Variants in KMT2C observed in about 807,000 individuals in gnomAD.
KMT2C encodes the protein lysine methyltransferase 2C, also known as histone-lysine N-methyltransferase 2C.
In KMT2C, 88 loss-of-function variants were observed where a neutral mutation model predicts 507.9. The ratio of observed to expected loss-of-function variants is 0.17; its 90% CI spans 0.15 to 0.21. The LOEUF (loss-of-function observed/expected upper bound fraction) is 0.21. Ranked by LOEUF, KMT2C falls within the 10% of genes least tolerant of loss-of-function variation. KMT2C has a pLI of 1.00. For synonymous variants in KMT2C, 2,049 were observed against 2,080.8 expected, an observed-to-expected ratio of 0.98 and a Z score of 0.42; for missense variants, 4,954 against 5,957.8, an observed-to-expected ratio of 0.83 and a Z score of 5.55.
chr7:152,256,809 A>G (rs2095668938), intron 9 of KMT2C, among the ~76,000 whole-genome samples: 1 of 151,808 alleles, frequency 6.6e-6, no homozygotes, highest in Non-Finnish European at 1.5e-5. Flanking sequence ...ACATTGATAC[A>G]CCACTTTTCG....
Position 152,154,399 on chromosome 7 carries a change from G to T in KMT2C, c.12007C>A (p.Pro4003Thr), listed in dbSNP as rs1394651862. ...ACCACACTCTCAGGAGAGGATGAGG[G>T]AACAAAACTGTCAGGAGTATCTCGA... ...GDRDTPDSFV[P>T]SSSPESVVGV... Residue 4003 changes from proline (P) to threonine (T), a missense_variant, in exon 47 of 59, where the codon CCC (proline) becomes ACC (threonine). Physicochemically the swap from Pro to Thr is conservative, Grantham distance 38. Coordinates refer to ENST00000262189, the MANE Select transcript of KMT2C (RefSeq NM_170606.3). 6.2e-7 allele frequency: 1 copy of T among 1,613,924 alleles called. No individual in the cohort carries two copies. The highest frequency in any genetic ancestry group is 2.2e-5 in the East Asian group (1 of 44,884).
intron 3 of KMT2C, among the ~76,000 whole-genome samples, chr7:152,327,845 C>G (rs987894622): frequency 1.3e-5 from 2 of 151,112 alleles, no homozygotes; most frequent in African/African-American, 2.4e-5. Context: ...GTAGTCCCAG[C>G]TACTCAGGAG....
Position 152,139,791 on chromosome 7 carries a change from C to G in KMT2C, c.14344G>C (p.Gly4782Arg), listed in dbSNP as rs2129089961. ...NVYLARSRIQGLGLYAARDIE... is the reference protein window; with the variant it reads ...NVYLARSRIQRLGLYAARDIE... Reference sequence around the variant, plus strand: ...TCTCGAGCAGCATACAGGCCCAGCCCCTAAAAAAAAGTGTGTACATACTTC... The same window carrying G: ...TCTCGAGCAGCATACAGGCCCAGCCGCTAAAAAAAAGTGTGTACATACTTC... The change falls in exon 56 of 59, where the codon GGG becomes CGG. Residue 4782 changes from glycine (G) to arginine (R), a missense_variant and splice_region_variant. Gly to Arg is a moderately radical substitution (Grantham distance 125). Transcript: ENST00000262189. 6.2e-7 allele frequency: 1 copy of G among 1,606,980 alleles called. No homozygotes were observed. The highest frequency in any genetic ancestry group is 1.1e-5 in the South Asian group (1 of 89,868).
intron 34 of KMT2C, 102 bp from the exon 35 acceptor site, chr7:152,183,258 C>A: frequency 1.0e-6 from 1 of 956,060 alleles, no homozygotes; most frequent in Non-Finnish European, 1.5e-6. Context: ...AAAAAAAAGT[C>A]AGGTAAAATA....
At chr7:152,426,533 A>G (rs897583046) in intron 1 of KMT2C, among the ~76,000 whole-genome samples, 1 of 152,068 alleles carries the variant, frequency 6.6e-6, no homozygotes, top group African/African-American at 2.4e-5. Context: ...CAACATACCC[A>G]GCCTTATATC....
intron 38 of KMT2C, among the ~76,000 whole-genome samples, chr7:152,174,958 CCAT>C (rs1251345712): frequency 2.6e-5 from 4 of 152,120 alleles, no homozygotes; most frequent in Non-Finnish European, 5.9e-5. Flanking sequence ...AGCTTTATTT[CCAT>C]CATAATTTTC....
intron 29 of KMT2C, 63 bp downstream of exon 29, chr7:152,194,377 A>T: frequency 2.0e-6 from 3 of 1,524,802 alleles, no homozygotes; most frequent in East Asian, 4.5e-5. Context: ...CCATGCAAAA[A>T]TCTTTAAAAA....
chr7:152,191,552 CA>C (rs1239704899), intron 31 of KMT2C, among the ~76,000 whole-genome samples: 3 of 152,158 alleles, frequency 2.0e-5, no homozygotes, highest in Non-Finnish European at 4.4e-5. Flanking sequence ...CTCATTAGTA[CA>C]ATTCTTCTCG....
intron 3 of KMT2C, among the ~76,000 whole-genome samples, chr7:152,326,440 T>A (rs192941985): frequency 6.6e-6 from 1 of 152,118 alleles, no homozygotes; most frequent in African/African-American, 2.4e-5. Context: ...TTGGAAAATA[T>A]TCTAAAAAAT....
chr7:152,287,150 G>A (rs1272369827), intron 6 of KMT2C, among the ~76,000 whole-genome samples: 1 of 152,032 alleles, frequency 6.6e-6, no homozygotes, highest in Non-Finnish European at 1.5e-5. Context: ...AAAAAAAGTG[G>A]GGAGCCTGAG....
chr7:152,231,239 T>G (rs1320565462), intron 16 of KMT2C, among the ~76,000 whole-genome samples: 1 of 152,248 alleles, frequency 6.6e-6, no homozygotes, highest in Non-Finnish European at 1.5e-5. Context: ...TTAGTTCTAT[T>G]TGACTAAATC....
chr7:152,187,426 C>A lies in KMT2C; in HGVS notation c.4844G>T (p.Trp1615Leu), dbSNP rs757323365. ...NPMASDPNNSWTSSAPTVEGE... is the reference protein window; with the variant it reads ...NPMASDPNNSLTSSAPTVEGE... The stretch of plus-strand genomic sequence containing the variant: ...TTCCACAGTGGGAGCTGATGATGTC[C>A]AAGAGTTGTTAGGATCACTTGCCAT... Residue 1615 changes from tryptophan (W) to leucine (L), a missense_variant, in exon 33 of 59, where the codon TGG becomes TTG. Physicochemically the swap from Trp to Leu is moderately conservative, Grantham distance 61. Coordinates refer to ENST00000262189, the MANE Select transcript of KMT2C (RefSeq NM_170606.3). 1 of 1,614,028 alleles carries A rather than the reference C, an allele frequency of 6.2e-7. No homozygotes were observed. Among genetic ancestry groups the A allele is most frequent in the Non-Finnish European group, 8.5e-7 (1 of 1,179,984 alleles).
intron 6 of KMT2C, among the ~76,000 whole-genome samples, chr7:152,293,102 A>G (rs2096453343): frequency 7.2e-6 from 1 of 138,068 alleles, no homozygotes; most frequent in South Asian, 2.1e-4. Flanking sequence ...CAATGACATC[A>G]TGATATATCA....
intron 43 of KMT2C, among the ~76,000 whole-genome samples, chr7:152,160,834 A>C (rs2092411491): frequency 6.6e-6 from 1 of 152,066 alleles, no homozygotes; most frequent in African/African-American, 2.4e-5. Context: ...ACGTCCTTCA[A>C]GGAGCTATTT....
chr7:152,157,662 GAGT>G, intron 44 of KMT2C: 1 of 714,532 alleles, frequency 1.4e-6, no homozygotes, highest in Non-Finnish European at 1.8e-6. Flanking sequence ...AAACTTGGAA[GAGT>G]AGATGTAAAC....
chr7:152,174,066 A>C (rs2093086501), intron 39 of KMT2C, 65 bp downstream of exon 39: 2 of 859,982 alleles, frequency 2.3e-6, no homozygotes, highest in Non-Finnish European at 3.7e-6. Flanking sequence ...TGTTTTTTCT[A>C]AAAACTAGTA....
chr7:152,195,930 A>ATCT lies in KMT2C; in HGVS notation c.4354_4355insAGA (p.Leu1452delinsGlnIle). ...ACCTGAATGATCAACTGATTTTGCT[A>ATCT]GATCATCTGAAATTATTCCAAGAAT... On this transcript the variant is annotated protein_altering_variant, in exon 28 of 59. Transcript: ENST00000262189. 1 of 1,600,900 alleles carries ATCT rather than the reference A, an allele frequency of 6.2e-7. No individual in the cohort carries two copies. Among genetic ancestry groups the ATCT allele is most frequent in the Non-Finnish European group, 8.5e-7 (1 of 1,169,710 alleles).
At chr7:152,394,756 G>A (rs11763960) in intron 1 of KMT2C, among the ~76,000 whole-genome samples, 27,641 of 152,074 alleles carry the variant, frequency 0.18, 2,724 homozygotes, top group African/African-American at 0.24. Flanking sequence ...TGTATTTCCC[G>A]TGCTTATGGA....
At chr7:152,364,946 C>G (rs1281201841) in intron 1 of KMT2C, among the ~76,000 whole-genome samples, 11 of 151,662 alleles carry the variant, frequency 7.3e-5, no homozygotes, top group African/African-American at 2.4e-4. Flanking sequence ...CACACACACA[C>G]ACACACACAC....
Sources: gnomAD v4.1 joint callset for allele counts (sites outside exome capture counted in the v4.1 genomes callset) on GRCh38, gnomAD v4.1.1 for gene constraint, MANE v1.5 for transcripts, NCBI Gene and HGNC (gene_info 2026-07-23, HGNC 2026-07-21) for gene names.